The following NEK1 variants were observed in gnomAD, a reference collection of about 807,000 sequenced individuals.
The protein encoded by NEK1 is serine/threonine-protein kinase Nek1.
Under a neutral mutation model 182.1 loss-of-function variants are expected in NEK1, and 137 were observed. The ratio of observed to expected loss-of-function variants is 0.75; its 90% confidence interval spans 0.65 to 0.87. The LOEUF (loss-of-function observed/expected upper bound fraction) is 0.87. Among genes scored for constraint, NEK1 ranks in the 40% least tolerant of loss-of-function variants. The pLI is 0.00. For missense variants in NEK1, 1,391 were observed against 1,494.4 expected, an observed-to-expected ratio of 0.93 and a Z score of 1.14; for synonymous variants, 513 against 492.2, an observed-to-expected ratio of 1.04 and a Z score of -0.56.
At position 169,558,067 on chromosome 4, in the gene NEK1, A is replaced by G. The variant is rs72692932; in HGVS notation, c.1267-1972T>C. On this transcript the variant is annotated intron_variant, in intron 16 of 35. Transcript: ENST00000507142. ...GGTGGTCCTTACATACATCCTCAAA[A>G]TGTACATCTGAAGTCAAGAATCAGA... Among the ~76,000 whole-genome samples the G allele has an allele frequency of 3.9e-3, 599 of 152,332 alleles. 5 individuals are homozygous for G. The highest frequency in any genetic ancestry group is 0.029 in the South Asian group (142 of 4,824).
At chr4:169,434,594 G>A (rs944994977) in intron 28 of NEK1, among the ~76,000 whole-genome samples, 1 of 152,114 alleles carries the variant, frequency 6.6e-6, no homozygotes, top group Admixed American at 6.5e-5. Context: ...TTCCAAAAGT[G>A]AACAGCGATG....
chr4:169,459,317 C>T (rs1011539414), intron 27 of NEK1, among the ~76,000 whole-genome samples: 2 of 152,036 alleles, frequency 1.3e-5, no homozygotes, highest in African/African-American at 4.8e-5. Flanking sequence ...TAGGAGATTG[C>T]AAATAAAAAC....
chr4:169,590,666 A>T, intron 6 of NEK1, 60 bp downstream of exon 6: 1 of 1,331,958 alleles, frequency 7.5e-7, no homozygotes, highest in Non-Finnish European at 1.0e-6. Flanking sequence ...TTTTGGCCCA[A>T]AACAATGAAG....
chr4:169,608,114 C>CAT (rs1219882400), intron 2 of NEK1, among the ~76,000 whole-genome samples: 1 of 85,034 alleles, frequency 1.2e-5, no homozygotes. Flanking sequence ...CACACACACA[C>CAT]ATACACACAC....
intron 11 of NEK1, 121 bp from the exon 12 acceptor site, chr4:169,577,200 A>G (rs1289786228): frequency 1.1e-6 from 1 of 951,680 alleles, no homozygotes; most frequent in African/African-American, 1.7e-5. Context: ...TAAACTTTCT[A>G]TCAAATATCT....
Sources: allele counts gnomAD v4.1 joint callset (sites outside exome capture counted in the v4.1 genomes callset), GRCh38; gene constraint gnomAD v4.1.1; transcripts MANE v1.5; gene names NCBI Gene and HGNC (gene_info 2026-07-23, HGNC 2026-07-21).